Variants in COL11A1 observed in about 807,000 individuals in gnomAD.
COL11A1 encodes collagen alpha-1(XI) chain.
COL11A1 carries 74 observed loss-of-function variants against 265.2 expected under a neutral mutation model. The observed-to-expected ratio is 0.28, with a 90% CI of 0.23 to 0.34. The LOEUF is 0.34. Among genes scored for constraint, COL11A1 ranks in the 10% least tolerant of loss-of-function variants. The pLI is 1.00. For synonymous variants in COL11A1, 816 were observed against 727.6 expected, an observed-to-expected ratio of 1.12 and a Z score of -1.96; for missense variants, 2,165 against 2,263.6, an observed-to-expected ratio of 0.96 and a Z score of 0.88.
At chr1:102,959,741 C>T (rs976630888) in intron 41 of COL11A1, among the ~76,000 whole-genome samples, 7 of 152,152 alleles carry the variant, frequency 4.6e-5, no homozygotes, top group African/African-American at 1.7e-4. Context: ...TGTAACTATA[C>T]ATATTTCAAT....
At chr1:103,080,204 T>C (rs186039289) in intron 2 of COL11A1, among the ~76,000 whole-genome samples, 1 of 151,950 alleles carries the variant, frequency 6.6e-6, no homozygotes, top group African/African-American at 2.4e-5. Context: ...GAATACATTT[T>C]TATGCTATAA....
At chr1:102,934,057 G>C (rs532151074) in intron 46 of COL11A1, among the ~76,000 whole-genome samples, 1 of 148,662 alleles carries the variant, frequency 6.7e-6, no homozygotes. Flanking sequence ...ATTCTGCGTC[G>C]CTCACGCTGG....
intron 57 of COL11A1, among the ~76,000 whole-genome samples, chr1:102,897,331 TACTC>T (rs1425461861): frequency 1.3e-5 from 2 of 151,920 alleles, no homozygotes; most frequent in Non-Finnish European, 2.9e-5. Flanking sequence ...ACTTAACTAA[TACTC>T]ACCACACATA....
intron 15 of COL11A1, among the ~76,000 whole-genome samples, chr1:103,006,607 G>A (rs950282472): frequency 7.9e-6 from 1 of 127,090 alleles, no homozygotes; most frequent in African/African-American, 2.9e-5. Flanking sequence ...GCGCGATCTC[G>A]GCTCACTGCA....
chr1:103,031,552 TAAAATGTGAGC>T (rs1019943747), intron 4 of COL11A1, among the ~76,000 whole-genome samples: 12 of 152,164 alleles, frequency 7.9e-5, no homozygotes, highest in African/African-American at 2.9e-4. Flanking sequence ...AAAGAACAAA[TAAAATGTGAGC>T]AAAAGGCTAA....
intron 4 of COL11A1, 21 bp downstream of exon 4, chr1:103,074,597 T>C: frequency 6.2e-7 from 1 of 1,611,964 alleles, no homozygotes; most frequent in East Asian, 2.2e-5. Flanking sequence ...ATATTCAGCT[T>C]AGAGTTGGAT....
chr1:102,961,829 C>T (rs371621900), intron 41 of COL11A1, 37 bp downstream of exon 41: 2 of 1,587,482 alleles, frequency 1.3e-6, no homozygotes, highest in Admixed American at 1.7e-5. Context: ...TAATTCACAA[C>T]CATGATTGTC....
intron 65 of COL11A1, among the ~76,000 whole-genome samples, chr1:102,881,422 T>C (rs941368566): frequency 6.6e-6 from 1 of 152,178 alleles, no homozygotes; most frequent in Non-Finnish European, 1.5e-5. Context: ...TCAATTTTTA[T>C]GATGTCTATC....
At chr1:102,930,122 C>T (rs1224145553) in intron 46 of COL11A1, among the ~76,000 whole-genome samples, 1 of 152,168 alleles carries the variant, frequency 6.6e-6, no homozygotes, top group Non-Finnish European at 1.5e-5. Context: ...GAACTTTCAA[C>T]ACTATGTTGA....
At chr1:102,900,579 T>C (rs1653059073) in intron 54 of COL11A1, among the ~76,000 whole-genome samples, 1 of 152,040 alleles carries the variant, frequency 6.6e-6, no homozygotes, top group Admixed American at 6.5e-5. Context: ...TTTACAAACA[T>C]GAAGTTTATA....
chr1:103,068,390 T>C (rs542358367), intron 4 of COL11A1, among the ~76,000 whole-genome samples: 4 of 151,552 alleles, frequency 2.6e-5, no homozygotes, highest in Non-Finnish European at 5.9e-5. Context: ...TTTTATAAAA[T>C]TTAGTACATG....
chr1:103,078,979 C>A, intron 2 of COL11A1, 108 bp from the exon 3 acceptor site: 2 of 761,660 alleles, frequency 2.6e-6, no homozygotes. Flanking sequence ...TATAAATCAA[C>A]TAACTTTGAA....
chr1:102,917,225 A>G (rs7548479), intron 49 of COL11A1, among the ~76,000 whole-genome samples: 1,829 of 152,018 alleles, frequency 0.012, 33 homozygotes, highest in African/African-American at 0.041. Flanking sequence ...AAGTTGACAA[A>G]AACAAAAAGG....
At chr1:103,033,091 A>C (rs1185051508) in intron 4 of COL11A1, among the ~76,000 whole-genome samples, 1 of 152,002 alleles carries the variant, frequency 6.6e-6, no homozygotes, top group African/African-American at 2.4e-5. Flanking sequence ...CAACCATACA[A>C]CATGTGGCCT....
chr1:102,919,602 G>A lies in COL11A1; in HGVS notation c.3762+709C>T, dbSNP rs576308104. 5.3e-5 allele frequency among the ~76,000 whole-genome samples: 8 copies of A among 151,740 alleles called. No homozygotes were observed. In the South Asian group the frequency reaches 1.2e-3, roughly 24 times the overall value. ...ATTGGTAGTTTATTTTTTAAAGCAC[G>A]CAAATATCCATGATAATTTTCTTGA... On this transcript the variant is annotated intron_variant, in intron 49 of 66. Coordinates refer to ENST00000370096, the MANE Select transcript of COL11A1 (RefSeq NM_001854.4).
At chr1:102,907,051 C>T (rs1422016363) in intron 54 of COL11A1, among the ~76,000 whole-genome samples, 3 of 151,938 alleles carry the variant, frequency 2.0e-5, no homozygotes, top group Non-Finnish European at 4.4e-5. Context: ...TTATTGTTGC[C>T]ATATTTTAAA....
chr1:103,063,496 G>T (rs1670833970), intron 4 of COL11A1, among the ~76,000 whole-genome samples: 1 of 151,992 alleles, frequency 6.6e-6, no homozygotes, highest in Admixed American at 6.6e-5. Context: ...AATAGTGCTG[G>T]AACAACTGGA....
At chr1:102,990,349 C>G (rs567001705) in intron 28 of COL11A1, among the ~76,000 whole-genome samples, 1 of 150,738 alleles carries the variant, frequency 6.6e-6, no homozygotes, top group South Asian at 2.1e-4. Context: ...TTTTTAAAAT[C>G]ATGTCCATTA....
chr1:102,962,320 C>T (rs1660996576), intron 39 of COL11A1, 55 bp from the exon 40 acceptor site: 4 of 1,344,854 alleles, frequency 3.0e-6, no homozygotes, highest in Non-Finnish European at 4.3e-6. Context: ...CATCTTTCTA[C>T]AAACAAAATT....
Sources: allele counts gnomAD v4.1 joint callset (sites outside exome capture counted in the v4.1 genomes callset), GRCh38; gene constraint gnomAD v4.1.1; transcripts MANE v1.5; gene names NCBI Gene and HGNC (gene_info 2026-07-23, HGNC 2026-07-21).